The following IKZF1 variants were observed in gnomAD, a reference collection of about 807,000 sequenced individuals.
IKZF1 encodes the protein DNA-binding protein Ikaros.
In IKZF1, 10 loss-of-function variants were observed where a neutral mutation model predicts 51.7. The observed-to-expected ratio is 0.19, with a 90% CI of 0.12 to 0.33. IKZF1 has a LOEUF of 0.33. Among genes scored for constraint, IKZF1 ranks in the 10% least tolerant of loss-of-function variants. The probability of loss-of-function intolerance (pLI) is 1.00; values close to 1 mark genes in which losing one functional copy is unlikely to be tolerated. For missense variants in IKZF1, 484 were observed against 707.5 expected, an observed-to-expected ratio of 0.68 and a Z score of 3.58; for synonymous variants, 280 against 282.3, an observed-to-expected ratio of 0.99 and a Z score of 0.08.
At chr7:50,330,522 C>T (rs938909028) in intron 3 of IKZF1, among the ~76,000 whole-genome samples, 23 of 152,098 alleles carry the variant, frequency 1.5e-4, no homozygotes, top group African/African-American at 5.6e-4. Flanking sequence ...TCCACAAGAC[C>T]GAAGTGCCCA....
chr7:50,326,336 A>G (rs1795007624), intron 2 of IKZF1, among the ~76,000 whole-genome samples: 1 of 152,212 alleles, frequency 6.6e-6, no homozygotes. Context: ...CAGCTCAGTC[A>G]GCAGGCACAC....
At chr7:50,323,540 T>C (rs994342545) in intron 2 of IKZF1, among the ~76,000 whole-genome samples, 2 of 152,252 alleles carry the variant, frequency 1.3e-5, no homozygotes, top group African/African-American at 4.8e-5. Context: ...CCCAGAACAC[T>C]TCTCATAGGT....
chr7:50,340,937 T>G (rs1183855811), intron 3 of IKZF1, among the ~76,000 whole-genome samples: 1 of 152,242 alleles, frequency 6.6e-6, no homozygotes, highest in Non-Finnish European at 1.5e-5. Context: ...AAAGCATTAT[T>G]GCTACTTATA....
In IKZF1 at chr7:50,339,211, A is replaced by AG. The variant is rs1584593652; in HGVS notation, c.160+11457dup. ...TTTGAAAGGAGGAATTCTTTTGGGT[A>AG]GGGTTGTGTGTGTGTGTGTGTGTGT... On this transcript the variant is annotated intron_variant, in intron 3 of 7. Transcript: ENST00000331340. Among the ~76,000 whole-genome samples, 56 of 92,516 alleles carry AG rather than the reference A, an allele frequency of 6.1e-4. No individual in the cohort carries two copies. The East Asian group carries it at 0.014, about 24-fold the overall frequency. 60.7% of individuals were successfully genotyped at this position (92,516 alleles called of 152,430 possible). A position where few individuals can be genotyped will look rare whatever the true frequency, so the allele number is the denominator to read the frequency against.
chr7:50,391,576 C>T (rs1262053754), intron 6 of IKZF1, among the ~76,000 whole-genome samples, 153 bp from the exon 7 acceptor site: 2 of 152,160 alleles, frequency 1.3e-5, no homozygotes, highest in Admixed American at 1.3e-4. Flanking sequence ...CTGCCTCTGC[C>T]TGTCTGGAAG....
At position 50,404,573 on chromosome 7, in the gene IKZF1, C is replaced by T. The variant is rs1193221367; in HGVS notation, c.*3946C>T. On this transcript the variant is annotated 3_prime_UTR_variant, in exon 8 of 8. Transcript: ENST00000331340. ...GGGCCTCAGGACAGCTGCAATACCA[C>T]TTGGGAACACATGTGGTGTCTTGAT... 1 of 229,578 alleles carries T rather than the reference C, an allele frequency of 4.4e-6. No homozygotes were observed. The highest frequency in any genetic ancestry group is 8.6e-6 in the Non-Finnish European group (1 of 115,684). 14.2% of individuals were successfully genotyped at this position (229,578 alleles called of 1,614,324 possible).
At chr7:50,307,597 A>G (rs1328305068) in intron 1 of IKZF1, among the ~76,000 whole-genome samples, 2 of 152,232 alleles carry the variant, frequency 1.3e-5, no homozygotes, top group East Asian at 3.8e-4. Flanking sequence ...TTTGTGCTGA[A>G]TAATCATTCC....
At chr7:50,316,519 C>G (rs181708306) in intron 1 of IKZF1, among the ~76,000 whole-genome samples, 1 of 152,238 alleles carries the variant, frequency 6.6e-6, no homozygotes, top group African/African-American at 2.4e-5. Context: ...ACAATAGACG[C>G]GCTCCAGGAA....
At chr7:50,336,319 C>T (rs1478014664) in intron 3 of IKZF1, among the ~76,000 whole-genome samples, 4 of 152,104 alleles carry the variant, frequency 2.6e-5, no homozygotes, top group African/African-American at 4.8e-5. Context: ...GCCACAGGCA[C>T]GCATGTGCTG....
rs537040337 is a variant in IKZF1 at position 50,329,984 on chromosome 7, G to A, written c.160+2227G>A. On this transcript the variant is annotated intron_variant, in intron 3 of 7. Transcript: ENST00000331340. The stretch of plus-strand genomic sequence containing the variant: ...GCCTTCAAAACAGTGTCAGTATCCT[G>A]TCCCTTACGGACGTCATATTGTTGG... Among the ~76,000 whole-genome samples the A allele has an allele frequency of 3.7e-4, 57 of 152,312 alleles. No individual in the cohort carries two copies. In the South Asian group the frequency reaches 0.012, roughly 32 times the overall value.
intron 3 of IKZF1, among the ~76,000 whole-genome samples, chr7:50,334,538 T>TA (rs1797168077): frequency 6.6e-6 from 1 of 151,578 alleles, no homozygotes; most frequent in African/African-American, 2.4e-5. Flanking sequence ...GTGTAGTGTA[T>TA]ATGTGTATGC....
chr7:50,338,868 C>T (rs1189729214), intron 3 of IKZF1, among the ~76,000 whole-genome samples: 1 of 152,212 alleles, frequency 6.6e-6, no homozygotes, highest in Non-Finnish European at 1.5e-5. Context: ...TCACAAATTA[C>T]CGCAGACACG....
At chr7:50,397,759 A>C (rs1165393046) in intron 7 of IKZF1, among the ~76,000 whole-genome samples, 2 of 152,186 alleles carry the variant, frequency 1.3e-5, no homozygotes, top group Non-Finnish European at 2.9e-5. Flanking sequence ...ACTTTTTCTG[A>C]CCTTTAATGG....
At chr7:50,304,040 G>C (rs1045391804), upstream of IKZF1, 7 of 145,090 alleles carry the variant, frequency 4.8e-5, no homozygotes, top group African/African-American at 1.7e-4. Context: ...GGCGCGGTGC[G>C]CGCGGGGGTG....
In IKZF1 at chr7:50,403,203, TTAAAG is replaced by T. The variant is rs1477638398; in HGVS notation, c.*2580_*2584del. 4 of 220,188 alleles carry T rather than the reference TTAAAG, an allele frequency of 1.8e-5. No individual in the cohort carries two copies. The highest frequency in any genetic ancestry group is 3.6e-5 in the Non-Finnish European group (4 of 110,020). The allele number at this position is 220,188 out of a possible 1,614,324, so 13.6% of individuals were successfully genotyped here. Reference sequence around the variant, plus strand: ...CCATTTTTCTTTGAAACTATTGTATTTAAAGTAAGGTTTCATATTATGTCAGCAAG... The same window carrying T: ...CCATTTTTCTTTGAAACTATTGTATTTAAGGTTTCATATTATGTCAGCAAG... On this transcript the variant is annotated 3_prime_UTR_variant, in exon 8 of 8. Coordinates refer to ENST00000331340, the MANE Select transcript of IKZF1 (RefSeq NM_006060.6).
intron 1 of IKZF1, among the ~76,000 whole-genome samples, chr7:50,312,950 A>G (rs1562709602): frequency 6.6e-6 from 1 of 152,212 alleles, no homozygotes; most frequent in Non-Finnish European, 1.5e-5. Context: ...AATCATGAAA[A>G]TGTGTAGATT....
chr7:50,345,583 T>C (rs1316647179), intron 3 of IKZF1, among the ~76,000 whole-genome samples: 2 of 152,204 alleles, frequency 1.3e-5, no homozygotes, highest in Admixed American at 6.5e-5. Context: ...ATGTCTGTTG[T>C]GGCCCAGGCA....
At chr7:50,349,260 G>C (rs982831921) in intron 3 of IKZF1, among the ~76,000 whole-genome samples, 2 of 152,132 alleles carry the variant, frequency 1.3e-5, no homozygotes, top group African/African-American at 4.8e-5. Context: ...AAACTGTTAG[G>C]GAAATCTGAC....
intron 3 of IKZF1, among the ~76,000 whole-genome samples, chr7:50,373,801 G>T (rs1308981981): frequency 6.6e-6 from 1 of 152,204 alleles, no homozygotes; most frequent in Non-Finnish European, 1.5e-5. Context: ...CTACCTGAGA[G>T]TACCAATTCC....
Sources: allele counts gnomAD v4.1 joint callset (sites outside exome capture counted in the v4.1 genomes callset), GRCh38; gene constraint gnomAD v4.1.1; transcripts MANE v1.5; gene names NCBI Gene and HGNC (gene_info 2026-07-23, HGNC 2026-07-21).